NRG1: variants seen among roughly 807,000 people sequenced by gnomAD.
NRG1 encodes neuregulin 1.
NRG1 carries 18 observed loss-of-function variants against 63.8 expected under a neutral mutation model. The observed-to-expected ratio is 0.28, with a 90% CI of 0.19 to 0.42. NRG1 has a LOEUF of 0.42. Among genes scored for constraint, NRG1 ranks in the 10% least tolerant of loss-of-function variants. The pLI is 1.00. For synonymous variants in NRG1, 302 were observed against 301.3 expected, an observed-to-expected ratio of 1.00 and a Z score of -0.02; for missense variants, 762 against 814.7, an observed-to-expected ratio of 0.94 and a Z score of 0.79.
At chr8:31,809,526 C>T (rs1406459161) in intron 1 of NRG1, among the ~76,000 whole-genome samples, 1 of 150,468 alleles carries the variant, frequency 6.6e-6, no homozygotes, top group African/African-American at 2.4e-5. Flanking sequence ...TGGACCAAAC[C>T]CAAGGTACAC....
intron 1 of NRG1, among the ~76,000 whole-genome samples, chr8:32,314,781 A>G (rs959922312): frequency 6.6e-6 from 1 of 152,190 alleles, no homozygotes; most frequent in East Asian, 1.9e-4. Flanking sequence ...CTGTCCTTAC[A>G]GCCTTGTTTC....
At chr8:31,927,750 C>CT (rs559822656) in intron 1 of NRG1, among the ~76,000 whole-genome samples, 1,619 of 148,074 alleles carry the variant, frequency 0.011, 22 homozygotes, top group African/African-American at 0.035. Context: ...GCCCGGCCTA[C>CT]TTTTTTTTTT....
chr8:32,610,979 T>C (rs2129540959), intron 3 of NRG1, among the ~76,000 whole-genome samples: 1 of 152,246 alleles, frequency 6.6e-6, no homozygotes, highest in African/African-American at 2.4e-5. Context: ...TCAGTCTGTA[T>C]ATAGGAAACC....
chr8:32,041,113 GCTGA>G (rs1437539445), intron 1 of NRG1, among the ~76,000 whole-genome samples: 2 of 152,014 alleles, frequency 1.3e-5, no homozygotes, highest in African/African-American at 2.4e-5. Context: ...TTATGTAGAA[GCTGA>G]CTATCTAATT....
rs116906772 is a variant in NRG1, at chr8:32,474,799, C to T, written c.38-121029C>T. On this transcript the variant is annotated intron_variant, in intron 1 of 10. Transcript: ENST00000519301. ...GATTACAGGCGTGAGCCACTGTGCC[C>T]GGCCGATATTCCTGTTTTTATGGTT... 5.6e-3 allele frequency among the ~76,000 whole-genome samples: 857 copies of T among 152,074 alleles called. 5 individuals are homozygous for T. The highest frequency in any genetic ancestry group is 0.017 in the South Asian group (82 of 4,812).
chr8:32,225,078 G>A (rs917857339), intron 1 of NRG1, among the ~76,000 whole-genome samples: 2 of 152,170 alleles, frequency 1.3e-5, no homozygotes, highest in African/African-American at 2.4e-5. Flanking sequence ...TTAAAGAGCA[G>A]CATTTAAAAT....
intron 11 of NRG1, chr8:32,760,909 G>T: frequency 1.0e-6 from 1 of 992,198 alleles, no homozygotes; most frequent in Non-Finnish European, 1.2e-6. Flanking sequence ...GTCATGGGGG[G>T]CAACTGCTTG....
chr8:31,692,790 G>C (rs1563298868), intron 1 of NRG1, among the ~76,000 whole-genome samples: 2 of 152,138 alleles, frequency 1.3e-5, no homozygotes, highest in African/African-American at 4.8e-5. Flanking sequence ...AGCGTGGGGA[G>C]GTGTGTAAGC....
In NRG1 at chr8:31,789,254, A is replaced by C. The variant is rs1047045126; in HGVS notation, c.37+149823A>C. 1.2e-4 allele frequency among the ~76,000 whole-genome samples: 19 copies of C among 152,246 alleles called. 1 individual carries two copies. Among genetic ancestry groups the C allele is most frequent in the Admixed American group, 9.2e-4 (14 of 15,284 alleles). On this transcript the variant is annotated intron_variant, in intron 1 of 10. Transcript: ENST00000519301. ...TAGAGTCAATTGACCTCATTGGAGA[A>C]AAAAAGTAGTCAGTAAGTTCTTCAC...
At chr8:31,663,812 C>A (rs1806249672) in intron 1 of NRG1, among the ~76,000 whole-genome samples, 1 of 151,894 alleles carries the variant, frequency 6.6e-6, no homozygotes, top group Admixed American at 6.6e-5. Context: ...TTCTTCTATT[C>A]TTTTTCATCT....
At chr8:31,937,192 A>G (rs564205646) in intron 1 of NRG1, among the ~76,000 whole-genome samples, 3 of 152,324 alleles carry the variant, frequency 2.0e-5, no homozygotes, top group East Asian at 3.9e-4. Flanking sequence ...TCTTGTCAAC[A>G]TACCTTTTCT....
intron 1 of NRG1, among the ~76,000 whole-genome samples, chr8:31,922,877 GAA>G (rs71987458): frequency 1.3e-5 from 2 of 151,560 alleles, no homozygotes; most frequent in Non-Finnish European, 2.9e-5. Context: ...TGGGAAGGAG[GAA>G]AAAAAAGGAA....
At chr8:31,856,308 A>G (rs1001100807) in intron 1 of NRG1, among the ~76,000 whole-genome samples, 4 of 151,924 alleles carry the variant, frequency 2.6e-5, no homozygotes, top group Non-Finnish European at 5.9e-5. Flanking sequence ...GGCTTTGCTC[A>G]TTTCTTTTTA....
intron 1 of NRG1, among the ~76,000 whole-genome samples, chr8:32,098,096 CA>C (rs1247831300): frequency 3.9e-5 from 6 of 151,926 alleles, no homozygotes; most frequent in Admixed American, 3.3e-4. Flanking sequence ...AAGAAACCAA[CA>C]AAGACAGAAA....
chr8:32,329,696 C>T (rs1053839089), intron 1 of NRG1, among the ~76,000 whole-genome samples: 2 of 151,848 alleles, frequency 1.3e-5, no homozygotes, highest in African/African-American at 4.8e-5. Flanking sequence ...ATCACTCTTT[C>T]AACAGTAACA....
chr8:31,934,176 A>C (rs1298942999), intron 1 of NRG1, among the ~76,000 whole-genome samples: 2 of 152,114 alleles, frequency 1.3e-5, no homozygotes, highest in African/African-American at 4.8e-5. Flanking sequence ...AAATTTTAGT[A>C]AACTTTTTTG....
At chr8:32,236,737 G>A (rs1480908021) in intron 1 of NRG1, among the ~76,000 whole-genome samples, 1 of 152,186 alleles carries the variant, frequency 6.6e-6, no homozygotes, top group Non-Finnish European at 1.5e-5. Context: ...TGCTTGAGAG[G>A]AGAAAGAGGC....
chr8:32,522,808 C>CTTT (rs56103865), intron 1 of NRG1, among the ~76,000 whole-genome samples: 5 of 139,472 alleles, frequency 3.6e-5, no homozygotes, highest in African/African-American at 1.3e-4. Flanking sequence ...CCCAATTTGC[C>CTTT]TTTTTTTTTT....
At chr8:31,930,169 G>A (rs190832170) in intron 1 of NRG1, among the ~76,000 whole-genome samples, 1 of 152,294 alleles carries the variant, frequency 6.6e-6, no homozygotes, top group East Asian at 1.9e-4. Context: ...GAATAATATC[G>A]TAGGCAGAAG....
Sources: allele counts gnomAD v4.1 joint callset (sites outside exome capture counted in the v4.1 genomes callset), GRCh38; gene constraint gnomAD v4.1.1; transcripts MANE v1.5; gene names NCBI Gene and HGNC (gene_info 2026-07-23, HGNC 2026-07-21).